STK32B: variants seen among roughly 807,000 people sequenced by gnomAD.
The protein encoded by STK32B is serine/threonine-protein kinase 32B.
STK32B carries 43 observed loss-of-function variants against 52.6 expected under a neutral mutation model. The observed-to-expected ratio is 0.82, with a 90% CI of 0.64 to 1.05. The LOEUF is 1.05. Among genes scored for constraint, STK32B ranks in the 50% least tolerant of loss-of-function variants. The pLI is 0.00. For missense variants in STK32B, 621 were observed against 534.6 expected (o/e 1.16, Z -1.59); for synonymous variants, 238 against 204.3 (o/e 1.17, Z -1.41).
chr4:5,444,438 C>G (rs1715175857), intron 6 of STK32B, among the ~76,000 whole-genome samples: 1 of 152,240 alleles, frequency 6.6e-6, no homozygotes. Flanking sequence ...CCAAGTGAGG[C>G]AATGCCTCGC....
chr4:5,368,600 A>C (rs1735025438), intron 4 of STK32B, among the ~76,000 whole-genome samples: 1 of 152,236 alleles, frequency 6.6e-6, no homozygotes, highest in Non-Finnish European at 1.5e-5. Flanking sequence ...CCAAGGTCAT[A>C]GGGGATGTAA....
chr4:5,360,769 G>T (rs1734492474), intron 4 of STK32B, among the ~76,000 whole-genome samples: 1 of 152,156 alleles, frequency 6.6e-6, no homozygotes, highest in Admixed American at 6.5e-5. Context: ...TTGTGCCATT[G>T]CACTCCAGCC....
At chr4:5,043,740 T>G in the STK32B span, among the ~76,000 whole-genome samples, 4 of 152,226 alleles carry the variant, frequency 2.6e-5, no homozygotes, top group East Asian at 7.7e-4. Context: ...AAGCAGTCGG[T>G]GCACACGGCA....
intron 6 of STK32B, among the ~76,000 whole-genome samples, chr4:5,444,125 C>T (rs1347867185): frequency 6.6e-6 from 1 of 152,176 alleles, no homozygotes; most frequent in Admixed American, 6.5e-5. Context: ...GTGGTGGGCT[C>T]CGCCCAGTTG....
chr4:5,243,077 A>C (rs961392835), intron 3 of STK32B, among the ~76,000 whole-genome samples: 35 of 152,118 alleles, frequency 2.3e-4, no homozygotes, highest in Admixed American at 1.3e-3. Context: ...TTTTGGTTCC[A>C]TATGAACTTT....
chr4:5,458,363 G>C (rs912515458), intron 8 of STK32B, among the ~76,000 whole-genome samples: 12 of 152,124 alleles, frequency 7.9e-5, no homozygotes, highest in African/African-American at 2.4e-4. Context: ...ACTGTTTAGG[G>C]TCCTGCGTTC....
At chr4:5,278,295 G>C (rs1577283981) in intron 3 of STK32B, among the ~76,000 whole-genome samples, 2 of 152,224 alleles carry the variant, frequency 1.3e-5, no homozygotes. Context: ...CTGAAAACCA[G>C]AGCATTAAGG....
At chr4:5,192,625 G>A (rs1721305422) in intron 3 of STK32B, among the ~76,000 whole-genome samples, 2 of 152,194 alleles carry the variant, frequency 1.3e-5, no homozygotes, top group South Asian at 4.1e-4. Flanking sequence ...TATATTTATG[G>A]CATCCAACGT....
In STK32B at chr4:5,274,160, A is replaced by G. The variant is rs190925111; in HGVS notation, c.261-57060A>G. Among the ~76,000 whole-genome samples the G allele has an allele frequency of 5.9e-5, 9 of 152,290 alleles. No homozygotes were observed. In the East Asian group the frequency reaches 1.7e-3, roughly 29 times the overall value. On this transcript the variant is annotated intron_variant, in intron 3 of 11. Coordinates refer to ENST00000282908, the MANE Select transcript of STK32B (RefSeq NM_018401.3). Reference sequence around the variant, plus strand: ...TTTCAAAAATATATGTGGAAATGCAAAAGACCTGGAATAGCTAAAACAACT... The same window carrying G: ...TTTCAAAAATATATGTGGAAATGCAGAAGACCTGGAATAGCTAAAACAACT...
In STK32B at chr4:5,220,801, C is replaced by G. The variant is rs141247432; in HGVS notation, c.260+52351C>G. On this transcript the variant is annotated intron_variant, in intron 3 of 11. Transcript: ENST00000282908. Reference sequence around the variant, plus strand: ...AACAGAGGCAGGGAGGTCGTGAGATCTCTGTTGCAGTAATCAACTAAGGTG... The same window carrying G: ...AACAGAGGCAGGGAGGTCGTGAGATGTCTGTTGCAGTAATCAACTAAGGTG... 3.9e-5 allele frequency among the ~76,000 whole-genome samples: 6 copies of G among 152,260 alleles called. No homozygotes were observed. In the East Asian group the frequency reaches 1.2e-3, roughly 29 times the overall value.
chr4:5,295,842 GTTC>G lies in STK32B; in HGVS notation c.261-35373_261-35371del, dbSNP rs1406130544. 3.3e-5 allele frequency among the ~76,000 whole-genome samples: 5 copies of G among 152,132 alleles called. No individual in the cohort carries two copies. In the East Asian group the frequency reaches 7.7e-4, roughly 24 times the overall value. ...GAATTTGTTTGCTCTTGGTTCTCTA[GTTC>G]TTCTAATTGTGTTATGGTGTCGATT... On this transcript the variant is annotated intron_variant, in intron 3 of 11. Transcript: ENST00000282908.
intron 1 of STK32B, among the ~76,000 whole-genome samples, chr4:5,114,744 T>G (rs2108805228): frequency 6.6e-6 from 1 of 152,296 alleles, no homozygotes; most frequent in Admixed American, 6.5e-5. Flanking sequence ...AAGCAGTACA[T>G]CTTCAGAATG....
At chr4:5,346,487 G>C (rs540552556) in intron 4 of STK32B, among the ~76,000 whole-genome samples, 2 of 152,186 alleles carry the variant, frequency 1.3e-5, no homozygotes, top group South Asian at 2.1e-4. Flanking sequence ...AGAACAGTGG[G>C]ACATAGGAGC....
At chr4:5,096,652 C>G (rs559005658) in intron 1 of STK32B, among the ~76,000 whole-genome samples, 7 of 152,264 alleles carry the variant, frequency 4.6e-5, no homozygotes, top group African/African-American at 1.7e-4. Context: ...TTCTTAAGAC[C>G]TTGGCATCTA....
At chr4:5,375,926 A>G (rs1276407789) in intron 4 of STK32B, among the ~76,000 whole-genome samples, 1 of 152,106 alleles carries the variant, frequency 6.6e-6, no homozygotes, top group Non-Finnish European at 1.5e-5. Flanking sequence ...CACAGTTCAG[A>G]CCTTGGCTTA....
At chr4:5,342,000 C>A (rs953644320) in intron 4 of STK32B, among the ~76,000 whole-genome samples, 3 of 152,138 alleles carry the variant, frequency 2.0e-5, no homozygotes, top group Non-Finnish European at 4.4e-5. Context: ...CCCCTCTCCC[C>A]CTACTCCATG....
intron 6 of STK32B, among the ~76,000 whole-genome samples, chr4:5,441,510 C>T (rs1019272535): frequency 2.0e-5 from 3 of 150,798 alleles, no homozygotes; most frequent in Non-Finnish European, 4.4e-5. Context: ...CTTTATTAGT[C>T]TTGCTAGCAG....
intron 1 of STK32B, among the ~76,000 whole-genome samples, chr4:5,065,033 G>T (rs572040004): frequency 1.3e-5 from 2 of 151,666 alleles, no homozygotes; most frequent in African/African-American, 4.8e-5. Context: ...CTGGCTTCCT[G>T]TCACTTGCAA....
intron 6 of STK32B, among the ~76,000 whole-genome samples, chr4:5,435,268 G>A (rs1323073279): frequency 1.3e-5 from 2 of 152,214 alleles, no homozygotes; most frequent in African/African-American, 4.8e-5. Context: ...CTAAGCAGGT[G>A]TAACTGGTCT....
Sources: allele counts gnomAD v4.1 joint callset (sites outside exome capture counted in the v4.1 genomes callset), GRCh38; gene constraint gnomAD v4.1.1; transcripts MANE v1.5; gene names NCBI Gene and HGNC (gene_info 2026-07-23, HGNC 2026-07-21).